GPATCH3: variants seen among roughly 807,000 people sequenced by gnomAD.
GPATCH3 encodes the protein G patch domain-containing protein 3.
A neutral mutation model predicts 53.2 loss-of-function variants in GPATCH3; 45 were observed. The observed-to-expected ratio is 0.85, with a 90% CI of 0.67 to 1.08. The LOEUF is 1.08. GPATCH3 is among the 50% of genes least tolerant of loss of function. The probability of loss-of-function intolerance (pLI) is 0.00; values close to 1 mark genes in which losing one functional copy is unlikely to be tolerated. For missense variants in GPATCH3, 680 were observed against 687.2 expected (o/e 0.99, Z 0.12); for synonymous variants, 280 against 270.6 (o/e 1.03, Z -0.34).
chr1:26,893,026 A>C, intron 4 of GPATCH3: 1 of 570,560 alleles, frequency 1.8e-6, no homozygotes, highest in Non-Finnish European at 3.1e-6. Context: ...GAGGATTAGA[A>C]CCCAGGTCTT....
Position 26,892,296 on chromosome 1 carries a change from T to G in GPATCH3, c.1361+115A>C. ...GATCCACTTTTTCCTCTTAACTGTTTTGAATTTCATCCCGCACGAGTACCC... is the reference window on the plus strand; with the variant it reads ...GATCCACTTTTTCCTCTTAACTGTTGTGAATTTCATCCCGCACGAGTACCC... On this transcript the variant is annotated intron_variant, in intron 6 of 6. Transcript: ENST00000361720. The G allele has an allele frequency of 2.3e-6, 3 of 1,312,452 alleles. No individual in the cohort carries two copies. The South Asian group carries it at 4.0e-5, about 17-fold the overall frequency. The allele number at this position is 1,312,452 out of a possible 1,614,324, so 81.3% of individuals were successfully genotyped here. A position where few individuals can be genotyped will look rare whatever the true frequency, so the allele number is the denominator to read the frequency against.
chr1:26,892,825 CCT>C, intron 4 of GPATCH3, 34 bp from the exon 5 acceptor site: 1 of 1,604,946 alleles, frequency 6.2e-7, no homozygotes, highest in African/African-American at 1.3e-5. Context: ...TGGAAGCGTC[CCT>C]CTCAAAGAAG....
chr1:26,893,010 C>G (rs2081935536), intron 4 of GPATCH3: 2 of 592,168 alleles, frequency 3.4e-6, no homozygotes, highest in Non-Finnish European at 5.9e-6. Flanking sequence ...CAACAAATGA[C>G]AGAGAGAGGA....
chr1:26,898,064 G>A (rs2081958911), intron 1 of GPATCH3, among the ~76,000 whole-genome samples: 1 of 152,198 alleles, frequency 6.6e-6, no homozygotes, highest in Admixed American at 6.5e-5. Flanking sequence ...TTGAGCCTGG[G>A]AGGTGAGGCT....
intron 2 of GPATCH3, among the ~76,000 whole-genome samples, chr1:26,896,882 T>A (rs1055468273): frequency 2.7e-5 from 4 of 149,374 alleles, no homozygotes; most frequent in African/African-American, 9.9e-5. Flanking sequence ...ATTAGCCGGG[T>A]ATGGTGGTGG....
rs1448698081 is a variant in GPATCH3 at position 26,892,511 on chromosome 1, G to GCCGCTCCATCACCTT, written c.1246_1260dup (p.Lys416_Arg420dup). 1.2e-6 allele frequency: 2 copies of GCCGCTCCATCACCTT among 1,613,620 alleles called. No homozygotes were observed. Among genetic ancestry groups the GCCGCTCCATCACCTT allele is most frequent in the African/African-American group, 2.7e-5 (2 of 74,932 alleles). On this transcript the variant is annotated inframe_insertion, in exon 6 of 7. Coordinates refer to ENST00000361720, the MANE Select transcript of GPATCH3 (RefSeq NM_022078.3). ...AGGCCCTGGCCCTCAGCCCAGCCCT[G>GCCGCTCCATCACCTT]CCGCTCCATCACCTTCCGCCCAATG...
In GPATCH3 at chr1:26,892,803, G is replaced by C; in HGVS notation, c.1112-12C>G. On this transcript the variant is annotated splice_polypyrimidine_tract_variant and intron_variant, in intron 4 of 6. Transcript: ENST00000361720. ...CTTGTCTCCACCATCTGAGGAAACA[G>C]AGCTCAGTTTATGGAAGCGTCCCTC... 7 of 1,613,310 alleles carry C rather than the reference G, an allele frequency of 4.3e-6. No individual in the cohort carries two copies. Among genetic ancestry groups the C allele is most frequent in the Non-Finnish European group, 5.9e-6 (7 of 1,179,344 alleles).
chr1:26,892,760 G>A lies in GPATCH3; in HGVS notation c.1143C>T (p.Val381=), dbSNP rs1364765417. Reference sequence around the variant, plus strand: ...GGAGTCTCTGTTCCAGACGCATTTGGACAGAGTCTCGGGCATCCTTGTCTC... The same window carrying A: ...GGAGTCTCTGTTCCAGACGCATTTGAACAGAGTCTCGGGCATCCTTGTCTC... The part of the protein sequence containing the change: ...DGGDKDARDS[V]QMRLEQRLRD... The change falls in exon 5 of 7, where the codon GTC becomes GTT. Residue 381 remains valine (V), a synonymous_variant. Coordinates refer to ENST00000361720, the MANE Select transcript of GPATCH3 (RefSeq NM_022078.3). 7 of 1,614,022 alleles carry A rather than the reference G, an allele frequency of 4.3e-6. No homozygotes were observed. The African/African-American group carries it at 5.3e-5, about 12-fold the overall frequency.
Position 26,894,439 on chromosome 1 carries a change from G to C in GPATCH3, c.877-29C>G, listed in dbSNP as rs752167533. The C allele has an allele frequency of 1.9e-6, 3 of 1,609,934 alleles. No individual in the cohort carries two copies. The Admixed American group carries it at 5.0e-5, about 27-fold the overall frequency. ...AAAGGCAGGGAGAGGTGATTTGCCT[G>C]AGCTTCCTGACCTCATGCCCCGAGG... is the stretch of plus-strand genomic sequence containing the variant. On this transcript the variant is annotated intron_variant, in intron 2 of 6. Transcript: ENST00000361720.
intron 4 of GPATCH3, 174 bp from the exon 5 acceptor site, chr1:26,892,965 G>A (rs2081935331): frequency 1.4e-6 from 1 of 710,782 alleles, no homozygotes. Flanking sequence ...CAATCATACA[G>A]ATGAGAAGAT....
chr1:26,897,419 G>A lies in GPATCH3; in HGVS notation c.758C>T (p.Thr253Ile), dbSNP rs2124028148. Residue 253 changes from threonine to isoleucine, a missense_variant, in exon 2 of 7, where the codon ACA becomes ATA. Physicochemically the swap from Thr to Ile is moderately conservative, Grantham distance 89 (BLOSUM62 -1). Coordinates refer to ENST00000361720, the MANE Select transcript of GPATCH3 (RefSeq NM_022078.3). ...ETVEQEELVY[T>I]AEGEEIPQGT... Reference sequence around the variant, plus strand: ...TTGGGGTATTTCTTCACCCTCTGCTGTATACACAAGCTCTTCCTGCTCCAC... The same window carrying A: ...TTGGGGTATTTCTTCACCCTCTGCTATATACACAAGCTCTTCCTGCTCCAC... 1 of 1,614,178 alleles carries A rather than the reference G, an allele frequency of 6.2e-7. No individual in the cohort carries two copies. Among genetic ancestry groups the A allele is most frequent in the Non-Finnish European group, 8.5e-7 (1 of 1,180,034 alleles).
chr1:26,893,347 G>T, intron 4 of GPATCH3, 42 bp downstream of exon 4: 1 of 1,481,812 alleles, frequency 6.7e-7, no homozygotes, highest in Non-Finnish European at 9.4e-7. Flanking sequence ...CAAGGCCAGG[G>T]CACCTGTTTC....
intron 2 of GPATCH3, among the ~76,000 whole-genome samples, chr1:26,895,850 G>A (rs1216953612): frequency 6.6e-6 from 1 of 152,116 alleles, no homozygotes; most frequent in Admixed American, 6.5e-5. Context: ...GGCTGGTCTC[G>A]AACTCCTGAC....
chr1:26,891,713 A>ATTT (rs936195763), intron 6 of GPATCH3, among the ~76,000 whole-genome samples: 1 of 137,076 alleles, frequency 7.3e-6, no homozygotes, highest in Non-Finnish European at 1.6e-5. Context: ...TGCCCAGCTA[A>ATTT]TTTTTTTTTT....
rs889605160 is a variant in GPATCH3, at chr1:26,892,524, C to T, written c.1248G>A (p.Lys416=). The T allele has an allele frequency of 3.7e-6, 6 of 1,613,038 alleles. No homozygotes were observed. Among genetic ancestry groups the T allele is most frequent in the Non-Finnish European group, 4.2e-6 (5 of 1,179,182 alleles). ...CAGCCCAGCCCTGCCGCTCCATCACCTTCCGCCCAATGCCCTGCAGAGTGA... is the reference window on the plus strand; with the variant it reads ...CAGCCCAGCCCTGCCGCTCCATCACTTTCCGCCCAATGCCCTGCAGAGTGA... The part of the protein sequence containing the change: ...FERHTKGIGR[K]VMERQGWAEG... Residue 416 remains lysine (K), a synonymous_variant, in exon 6 of 7, where the codon AAG becomes AAA. Coordinates refer to ENST00000361720, the MANE Select transcript of GPATCH3 (RefSeq NM_022078.3).
At chr1:26,893,741 G>T (rs146866274) in intron 3 of GPATCH3, among the ~76,000 whole-genome samples, 1 of 151,920 alleles carries the variant, frequency 6.6e-6, no homozygotes, top group African/African-American at 2.4e-5. Flanking sequence ...GGACGGTCTC[G>T]ATCTCTTGAC....
intron 2 of GPATCH3, among the ~76,000 whole-genome samples, chr1:26,895,438 G>T (rs1014034324): frequency 5.3e-5 from 8 of 151,354 alleles, no homozygotes; most frequent in African/African-American, 1.9e-4. Context: ...GGTGAGGATG[G>T]CTTGAGCCCA....
In GPATCH3 at chr1:26,897,359, C is replaced by T. The variant is rs1000321399; in HGVS notation, c.818G>A (p.Cys273Tyr). 2 of 1,614,228 alleles carry T rather than the reference C, an allele frequency of 1.2e-6. No homozygotes were observed. Among genetic ancestry groups the T allele is most frequent in the East Asian group, 2.2e-5 (1 of 44,888 alleles). Residue 273 changes from cysteine (C) to tyrosine (Y), a missense_variant, in exon 2 of 7, where the codon TGT becomes TAT. By Grantham distance (194) the Cys-to-Tyr change is radical (BLOSUM62 -2). Coordinates refer to ENST00000361720, the MANE Select transcript of GPATCH3 (RefSeq NM_022078.3). ...CCCCACTTCTTCCTCAGGCTCTCCA[C>T]AGGGGCTGGCTGGTATATCTGCCAG... The part of the protein sequence containing the change: ...TYLADIPASP[C>Y]GEPEEEVGKE...
chr1:26,896,469 G>A (rs767786946), intron 2 of GPATCH3, among the ~76,000 whole-genome samples: 3 of 150,968 alleles, frequency 2.0e-5, no homozygotes, highest in Non-Finnish European at 4.4e-5. Flanking sequence ...AGGCAGGTGG[G>A]TCACGAGGTC....
Sources: gnomAD v4.1 joint callset for allele counts (sites outside exome capture counted in the v4.1 genomes callset) on GRCh38, gnomAD v4.1.1 for gene constraint, MANE v1.5 for transcripts, NCBI Gene and HGNC (gene_info 2026-07-23, HGNC 2026-07-21) for gene names.